SESTD1: variants seen among roughly 807,000 people sequenced by gnomAD.
The protein encoded by SESTD1 is SEC14 domain and spectrin repeat-containing protein 1.
Under a neutral mutation model 101.7 loss-of-function variants are expected in SESTD1, and 43 were observed. That is an observed-to-expected ratio of 0.42 (90% CI 0.33 to 0.55). SESTD1 has a LOEUF of 0.55. SESTD1 is among the 20% of genes least tolerant of loss of function. SESTD1 has a pLI of 0.07. For missense variants in SESTD1, 647 were observed against 815.1 expected (o/e 0.79, Z 2.51); for synonymous variants, 283 against 286.8 (o/e 0.99, Z 0.13).
chr2:179,129,853 G>C (rs1289141056), intron 10 of SESTD1, among the ~76,000 whole-genome samples: 2 of 152,130 alleles, frequency 1.3e-5, no homozygotes, highest in African/African-American at 2.4e-5. Context: ...GGCTAAAACA[G>C]CACAACTGGC....
At position 179,106,246 on chromosome 2, in the gene SESTD1, C is replaced by A. The variant is rs1411119761; in HGVS notation, c.*3653G>T. ...TAATGGTGCTTGTTTCTGCCTGTAC[C>A]ATTCCCTATAGGCTGAAGATGTAAA... On this transcript the variant is annotated 3_prime_UTR_variant, in exon 18 of 18. Transcript: ENST00000428443. 6.6e-6 allele frequency: 1 copy of A among 152,110 alleles called. No individual in the cohort carries two copies. The highest frequency in any genetic ancestry group is 6.6e-5 in the Admixed American group (1 of 15,266). 9.4% of individuals were successfully genotyped at this position (152,110 alleles called of 1,614,324 possible).
At chr2:179,202,799 C>G (rs750787149) in intron 1 of SESTD1, among the ~76,000 whole-genome samples, 1 of 135,428 alleles carries the variant, frequency 7.4e-6, no homozygotes. Context: ...CTGGATTCAG[C>G]TGGTCACCAG....
chr2:179,135,867 CTG>C (rs1189034541), intron 9 of SESTD1, among the ~76,000 whole-genome samples: 1 of 152,174 alleles, frequency 6.6e-6, no homozygotes, highest in Non-Finnish European at 1.5e-5. Context: ...TGGCTAAACA[CTG>C]TTTACACAGC....
chr2:179,130,215 G>A (rs1246140290), intron 10 of SESTD1, among the ~76,000 whole-genome samples: 1 of 151,970 alleles, frequency 6.6e-6, no homozygotes, highest in Non-Finnish European at 1.5e-5. Flanking sequence ...GATCCCCCCT[G>A]GGTATCAAGA....
intron 9 of SESTD1, among the ~76,000 whole-genome samples, chr2:179,141,020 T>C (rs1423798914): frequency 6.6e-6 from 1 of 152,190 alleles, no homozygotes; most frequent in African/African-American, 2.4e-5. Flanking sequence ...CTTACCTCTC[T>C]CAACTTTCTC....
chr2:179,210,921 C>G lies in SESTD1; in HGVS notation c.-25-19055G>C, dbSNP rs1199626462. 2.3e-5 allele frequency among the ~76,000 whole-genome samples: 3 copies of G among 133,150 alleles called. 1 individual carries two copies. Among genetic ancestry groups the G allele is most frequent in the African/African-American group, 8.9e-5 (3 of 33,584 alleles). 87.4% of individuals were successfully genotyped at this position (133,150 alleles called of 152,430 possible). ...TGTTTGTTGATGACATGATTGTAGA[C>G]CAATACAACACTAAAAAACTCCTAG... On this transcript the variant is annotated intron_variant, in intron 1 of 17. Transcript: ENST00000428443.
rs952559769 is a variant in SESTD1, at chr2:179,206,043, A to T, written c.-25-14177T>A. Among the ~76,000 whole-genome samples, 61 of 135,042 alleles carry T rather than the reference A, an allele frequency of 4.5e-4. 15 individuals are homozygous for T. Among genetic ancestry groups the T allele is most frequent in the African/African-American group, 1.8e-3 (61 of 34,098 alleles). 88.6% of individuals were successfully genotyped at this position (135,042 alleles called of 152,430 possible). On this transcript the variant is annotated intron_variant, in intron 1 of 17. Coordinates refer to ENST00000428443, the MANE Select transcript of SESTD1 (RefSeq NM_178123.5). ...TCTAATAGAAAAATTTAAATAGATA[A>T]TGTACAAAATAAACAACGGAAAAAT...
At chr2:179,132,451 T>C (rs1221471914) in intron 9 of SESTD1, 25 bp from the exon 10 acceptor site, 9 of 653,196 alleles carry the variant, frequency 1.4e-5, no homozygotes, top group Non-Finnish European at 1.7e-5. Context: ...TGAGATAACA[T>C]TTTTTAAAGA....
intron 1 of SESTD1, among the ~76,000 whole-genome samples, chr2:179,245,973 C>T (rs1416732615): frequency 6.6e-6 from 1 of 151,996 alleles, no homozygotes; most frequent in East Asian, 1.9e-4. Flanking sequence ...AAACATTAAC[C>T]AGGCTGGGCA....
chr2:179,168,179 A>G (rs1263122187), intron 5 of SESTD1, among the ~76,000 whole-genome samples: 3 of 152,026 alleles, frequency 2.0e-5, no homozygotes, highest in Non-Finnish European at 2.9e-5. Context: ...CAACCCCTCC[A>G]CTTCCTCTTC....
At chr2:179,222,204 G>A (rs888135449) in intron 1 of SESTD1, among the ~76,000 whole-genome samples, 1 of 152,150 alleles carries the variant, frequency 6.6e-6, no homozygotes, top group Non-Finnish European at 1.5e-5. Context: ...CTGTTCCAAA[G>A]AGTTGTTCTC....
chr2:179,219,788 G>A (rs980196161), intron 1 of SESTD1, among the ~76,000 whole-genome samples: 5 of 152,152 alleles, frequency 3.3e-5, no homozygotes, highest in Non-Finnish European at 5.9e-5. Flanking sequence ...AGTTGTAGAG[G>A]AAACAACAAC....
chr2:179,179,416 A>G lies in SESTD1; in HGVS notation c.165-2878T>C, dbSNP rs373921637. 2.0e-5 allele frequency among the ~76,000 whole-genome samples: 3 copies of G among 152,102 alleles called. No homozygotes were observed. The East Asian group carries it at 5.8e-4, about 29-fold the overall frequency. On this transcript the variant is annotated intron_variant, in intron 3 of 17. Transcript: ENST00000428443. Reference sequence around the variant, plus strand: ...AAACGTGAAACTGTCTAAACAGTCCACTCACTTTTGACACAGAAGACAATG... The same window carrying G: ...AAACGTGAAACTGTCTAAACAGTCCGCTCACTTTTGACACAGAAGACAATG...
intron 1 of SESTD1, among the ~76,000 whole-genome samples, chr2:179,204,234 T>C (rs1489480456): frequency 7.4e-6 from 1 of 134,968 alleles, no homozygotes; most frequent in Non-Finnish European, 1.6e-5. Context: ...ACCACAATCA[T>C]GCCCTACTCC....
At chr2:179,115,826 C>T (rs2044618925) in intron 15 of SESTD1, among the ~76,000 whole-genome samples, 1 of 152,100 alleles carries the variant, frequency 6.6e-6, no homozygotes, top group South Asian at 2.1e-4. Flanking sequence ...TATTCTGTTT[C>T]CCCCATCGCA....
intron 1 of SESTD1, among the ~76,000 whole-genome samples, chr2:179,224,147 A>G (rs916545469): frequency 6.6e-6 from 1 of 152,206 alleles, no homozygotes; most frequent in Admixed American, 6.5e-5. Flanking sequence ...ATGGGATCTC[A>G]AATTAATTAT....
chr2:179,239,886 A>G (rs564671810), intron 1 of SESTD1, among the ~76,000 whole-genome samples: 15 of 152,330 alleles, frequency 9.8e-5, no homozygotes, highest in African/African-American at 3.6e-4. Context: ...CAACCAATTT[A>G]CAATCATTAC....
intron 1 of SESTD1, among the ~76,000 whole-genome samples, chr2:179,257,956 T>TA (rs1420150997): frequency 9.8e-5 from 15 of 152,340 alleles, no homozygotes; most frequent in African/African-American, 3.4e-4. Context: ...GTTTCTCATA[T>TA]TGTCCCTCAG....
At chr2:179,157,927 G>A (rs1035930632) in intron 5 of SESTD1, among the ~76,000 whole-genome samples, 3 of 152,186 alleles carry the variant, frequency 2.0e-5, no homozygotes, top group Middle Eastern at 3.4e-3. Context: ...TTGTTCTAAG[G>A]CCTTTGTTGA....
Sources: gnomAD v4.1 joint callset for allele counts (sites outside exome capture counted in the v4.1 genomes callset) on GRCh38, gnomAD v4.1.1 for gene constraint, MANE v1.5 for transcripts, NCBI Gene and HGNC (gene_info 2026-07-23, HGNC 2026-07-21) for gene names.